DAB2: variants seen among roughly 807,000 people sequenced by gnomAD.
DAB2 encodes the protein DAB adaptor protein 2, also known as disabled homolog 2.
In DAB2, 28 loss-of-function variants were observed where a neutral mutation model predicts 71.6. That is an observed-to-expected ratio of 0.39 (90% confidence interval 0.29 to 0.54). DAB2 has a LOEUF of 0.54. Among genes scored for constraint, DAB2 ranks in the 20% least tolerant of loss-of-function variants. The probability of loss-of-function intolerance (pLI) is 0.68; values close to 1 mark genes in which losing one functional copy is unlikely to be tolerated. For synonymous variants in DAB2, 345 were observed against 339.7 expected, an observed-to-expected ratio of 1.02 and a Z score of -0.17; for missense variants, 867 against 928.8, an observed-to-expected ratio of 0.93 and a Z score of 0.86.
chr5:39,388,421 C>T (rs62358399), intron 8 of DAB2, 54 bp from the exon 9 acceptor site: 49,211 of 1,197,384 alleles, frequency 0.041, 1,251 homozygotes, highest in African/African-American at 0.088. Context: ...AAGATTACTT[C>T]GTATATTGTA....
intron 9 of DAB2, 71 bp downstream of exon 9, chr5:39,388,234 T>C: frequency 1.8e-6 from 2 of 1,128,450 alleles, no homozygotes; most frequent in South Asian, 2.7e-5. Flanking sequence ...ATGCTTAAGA[T>C]TTCTGGTTAT....
intron 13 of DAB2, among the ~76,000 whole-genome samples, chr5:39,375,497 G>C (rs533185700): frequency 6.6e-6 from 1 of 152,168 alleles, no homozygotes; most frequent in Non-Finnish European, 1.5e-5. Context: ...GAAGATAATA[G>C]TTCTTGTGCA....
chr5:39,392,324 C>T (rs1278011636), intron 4 of DAB2, 41 bp downstream of exon 4: 3 of 1,483,696 alleles, frequency 2.0e-6, no homozygotes, highest in South Asian at 1.1e-5. Context: ...GTTGGTCAGA[C>T]TCAGGTGGTC....
At chr5:39,394,682 T>C (rs1237507976) in intron 1 of DAB2, among the ~76,000 whole-genome samples, 2 of 152,242 alleles carry the variant, frequency 1.3e-5, no homozygotes, top group Admixed American at 6.5e-5. Context: ...ATTATCTAGC[T>C]AAGCAGTTTT....
Position 39,371,948 on chromosome 5 carries a change from AC to A in DAB2, c.*1482del, listed in dbSNP as rs1276285768. 3 of 152,140 alleles carry A rather than the reference AC, an allele frequency of 2.0e-5. No homozygotes were observed. The highest frequency in any genetic ancestry group is 4.4e-5 in the Non-Finnish European group (3 of 68,016). 9.4% of individuals were successfully genotyped at this position (152,140 alleles called of 1,614,324 possible). A position where few individuals can be genotyped will look rare whatever the true frequency, so the allele number is the denominator to read the frequency against. ...ATCAACTATTACCATTAAACATAAAACCACAGGACTTTCTACTTGGGGCTAA... is the reference window on the plus strand; with the variant it reads ...ATCAACTATTACCATTAAACATAAAACACAGGACTTTCTACTTGGGGCTAA... On this transcript the variant is annotated 3_prime_UTR_variant, in exon 15 of 15. Coordinates refer to ENST00000320816, the MANE Select transcript of DAB2 (RefSeq NM_001343.4).
chr5:39,374,849 C>T, intron 14 of DAB2, 165 bp downstream of exon 14: 1 of 613,728 alleles, frequency 1.6e-6, no homozygotes. Flanking sequence ...AGTGCCCAGC[C>T]TAGTCATTAT....
rs1561371461 is a variant in DAB2, at chr5:39,391,974, A to AT, written c.330+390_330+391insA. Among the ~76,000 whole-genome samples the AT allele has an allele frequency of 1.3e-3, 177 of 134,948 alleles. 2 individuals are homozygous for AT. The highest frequency in any genetic ancestry group is 4.1e-3 in the African/African-American group (164 of 39,618). 88.5% of individuals were successfully genotyped at this position (134,948 alleles called of 152,430 possible). On this transcript the variant is annotated intron_variant, in intron 4 of 14. Coordinates refer to ENST00000320816, the MANE Select transcript of DAB2 (RefSeq NM_001343.4). ...TCTGTATACCCGAGGTCAAAAAAAAAAAAAAAAATATATATATATAGAAGT... is the reference window on the plus strand; with the variant it reads ...TCTGTATACCCGAGGTCAAAAAAAAATAAAAAAAATATATATATATAGAAGT...
At position 39,390,451 on chromosome 5, in the gene DAB2, C is replaced by T. The variant is rs1335608357; in HGVS notation, c.455G>A (p.Gly152Glu). The T allele has an allele frequency of 6.2e-7, 1 of 1,613,810 alleles. No individual in the cohort carries two copies. Among genetic ancestry groups the T allele is most frequent in the Non-Finnish European group, 8.5e-7 (1 of 1,179,950 alleles). The change falls in exon 5 of 15, where the codon GGG (glycine) becomes GAG (glutamate). Residue 152 changes from glycine (G) to glutamate (E), a missense_variant. By Grantham distance (98) the Gly-to-Glu change is moderately conservative. This residue lies in a region of DAB2 where 127 missense variants were observed against 194.4 expected (regional missense o/e 0.65). Transcript: ENST00000320816. The stretch of plus-strand genomic sequence containing the variant: ...TCAAGACTTAGAGCTCACCTGTTGC[C>T]CGGTTTTTATGGCAAAAAACTGATG... ...GQHQFFAIKTGQQAEPLVVDL... is the reference protein window; with the variant it reads ...GQHQFFAIKTEQQAEPLVVDL...
rs1177869494 is a variant in DAB2, at chr5:39,382,985, C to A, written c.974G>T (p.Ser325Ile). The part of the protein sequence containing the change: ...KSPDQKKENS[S>I]SSSTPLSNGP... ...ATTACTCAGCGGAGTAGACGAGCTA[C>A]TCGAATTCTCTTTCTTCTGATCTGG... is the stretch of plus-strand genomic sequence containing the variant. The change falls in exon 10 of 15, where the codon AGT becomes ATT. Residue 325 changes from serine to isoleucine, a missense_variant. Around this residue, in one of 2 missense-constraint regions of DAB2, gnomAD observed 740 missense variants for 734.3 expected, o/e 1.01. Transcript: ENST00000320816. The A allele has an allele frequency of 1.2e-6, 2 of 1,613,994 alleles. No homozygotes were observed. The highest frequency in any genetic ancestry group is 4.5e-5 in the East Asian group (2 of 44,870).
chr5:39,392,909 G>A (rs1453438667), intron 3 of DAB2, among the ~76,000 whole-genome samples: 1 of 152,186 alleles, frequency 6.6e-6, no homozygotes, highest in Non-Finnish European at 1.5e-5. Context: ...TCTAAAACAG[G>A]ATATTCCGTG....
chr5:39,417,261 T>G (rs2112110616), intron 1 of DAB2: 1 of 151,666 alleles, frequency 6.6e-6, no homozygotes, highest in South Asian at 2.1e-4. Flanking sequence ...CAAAACTGCA[T>G]GTTCTCCACA....
At chr5:39,393,220 T>C in intron 3 of DAB2, 34 bp downstream of exon 3, 4 of 1,607,020 alleles carry the variant, frequency 2.5e-6, no homozygotes, top group Non-Finnish European at 3.4e-6. Context: ...GACTTTTGCT[T>C]AATATACAGA....
intron 12 of DAB2, 97 bp from the exon 13 acceptor site, chr5:39,376,203 T>G: frequency 1.1e-6 from 1 of 923,122 alleles, no homozygotes; most frequent in Non-Finnish European, 1.7e-6. Context: ...GTTCTATACT[T>G]TTGAAATTTA....
At chr5:39,402,450 C>G (rs1301760587) in intron 1 of DAB2, among the ~76,000 whole-genome samples, 1 of 151,766 alleles carries the variant, frequency 6.6e-6, no homozygotes, top group African/African-American at 2.4e-5. Flanking sequence ...GAGTTTTGCT[C>G]TTGTTGCCCA....
At chr5:39,405,752 A>G (rs556460257) in intron 1 of DAB2, among the ~76,000 whole-genome samples, 1 of 152,248 alleles carries the variant, frequency 6.6e-6, no homozygotes, top group East Asian at 1.9e-4. Flanking sequence ...GCTGTTCTCC[A>G]TTTTGTACTT....
At chr5:39,386,436 AT>A (rs1755101676) in intron 9 of DAB2, among the ~76,000 whole-genome samples, 2 of 152,350 alleles carry the variant, frequency 1.3e-5, no homozygotes, top group South Asian at 4.1e-4. Context: ...AGATAAATCT[AT>A]TTTTGACCTA....
intron 1 of DAB2, among the ~76,000 whole-genome samples, chr5:39,404,045 G>C (rs1755557144): frequency 6.6e-6 from 1 of 151,924 alleles, no homozygotes; most frequent in Admixed American, 6.6e-5. Flanking sequence ...ATTTGGCTTG[G>C]TTCCAAGTCT....
intron 6 of DAB2, among the ~76,000 whole-genome samples, chr5:39,389,545 C>T (rs1249188227): frequency 6.6e-6 from 1 of 152,186 alleles, no homozygotes; most frequent in Non-Finnish European, 1.5e-5. Context: ...GAGTCTCGTT[C>T]TGTCGCCCAG....
chr5:39,390,436 G>C lies in DAB2; in HGVS notation c.462+8C>G. 2.5e-6 allele frequency: 4 copies of C among 1,613,834 alleles called. No individual in the cohort carries two copies. The highest frequency in any genetic ancestry group is 3.4e-6 in the Non-Finnish European group (4 of 1,179,852). On this transcript the variant is annotated splice_region_variant and intron_variant, in intron 5 of 14. Coordinates refer to ENST00000320816, the MANE Select transcript of DAB2 (RefSeq NM_001343.4). ...GTCCCCAGGTCTATGTCAAGACTTA[G>C]AGCTCACCTGTTGCCCGGTTTTTAT...
Sources: allele counts gnomAD v4.1 joint callset (sites outside exome capture counted in the v4.1 genomes callset), GRCh38; gene constraint gnomAD v4.1.1; regional missense constraint gnomAD v4.1.1; transcripts MANE v1.5; gene names NCBI Gene and HGNC (gene_info 2026-07-23, HGNC 2026-07-21).